The following ELAPOR2 variants were observed in gnomAD, a reference collection of about 807,000 sequenced individuals.
ELAPOR2 encodes endosome/lysosome-associated apoptosis and autophagy regulator family member 2.
Under a neutral mutation model 120.7 loss-of-function variants are expected in ELAPOR2, and 89 were observed. The ratio of observed to expected loss-of-function variants is 0.74; its 90% confidence interval spans 0.62 to 0.88. The LOEUF (loss-of-function observed/expected upper bound fraction) is 0.88. Ranked by LOEUF, ELAPOR2 falls within the 40% of genes least tolerant of loss-of-function variation. The pLI is 0.00. For synonymous variants in ELAPOR2, 444 were observed against 444.9 expected, an observed-to-expected ratio of 1.00 and a Z score of 0.03; for missense variants, 1,134 against 1,251.6, an observed-to-expected ratio of 0.91 and a Z score of 1.42.
intron 1 of ELAPOR2, among the ~76,000 whole-genome samples, chr7:87,024,658 C>T (rs1013738093): frequency 1.3e-5 from 2 of 152,052 alleles, no homozygotes; most frequent in Non-Finnish European, 2.9e-5. Context: ...CCTCCTTGTA[C>T]CTCTGGTAGA....
At chr7:86,955,249 A>G (rs976577980) in intron 2 of ELAPOR2, among the ~76,000 whole-genome samples, 2 of 152,170 alleles carry the variant, frequency 1.3e-5, no homozygotes, top group African/African-American at 4.8e-5. Flanking sequence ...TATAATTCTC[A>G]TTTTATGAAA....
intron 1 of ELAPOR2, among the ~76,000 whole-genome samples, chr7:87,025,120 T>C (rs1330668371): frequency 6.6e-6 from 1 of 152,060 alleles, no homozygotes; most frequent in East Asian, 1.9e-4. Flanking sequence ...AAACCTTGTC[T>C]TGAGGAATAC....
chr7:87,026,209 T>A (rs1000315503), intron 1 of ELAPOR2, among the ~76,000 whole-genome samples: 2 of 152,058 alleles, frequency 1.3e-5, no homozygotes, highest in African/African-American at 2.4e-5. Flanking sequence ...TAGGTTTCAT[T>A]GAGCCGTGGT....
intron 18 of ELAPOR2, among the ~76,000 whole-genome samples, chr7:86,898,339 G>A (rs1485014112): frequency 6.6e-6 from 1 of 152,080 alleles, no homozygotes; most frequent in Non-Finnish European, 1.5e-5. Context: ...CTCAGGGCTG[G>A]GAAGTGGACT....
At chr7:87,032,290 A>T (rs1794445739) in intron 1 of ELAPOR2, among the ~76,000 whole-genome samples, 1 of 152,196 alleles carries the variant, frequency 6.6e-6, no homozygotes, top group East Asian at 1.9e-4. Context: ...ATGAATGATG[A>T]ATGAACTAAT....
chr7:86,922,485 T>C lies in ELAPOR2; in HGVS notation c.1399+3043A>G, dbSNP rs10240777. ...TTCATTACCTAGAAAAAAAACACCA[T>C]TAACATGCTGTGATGTTTCTTTTCA... On this transcript the variant is annotated intron_variant, in intron 10 of 21. Transcript: ENST00000450689. Among the ~76,000 whole-genome samples the C allele has an allele frequency of 3.9e-3, 595 of 152,036 alleles. 3 individuals are homozygous for C. Among genetic ancestry groups the C allele is most frequent in the African/African-American group, 0.014 (568 of 41,542 alleles).
chr7:87,014,887 T>C (rs1324858221), intron 1 of ELAPOR2, among the ~76,000 whole-genome samples: 1 of 152,166 alleles, frequency 6.6e-6, no homozygotes, highest in Admixed American at 6.5e-5. Flanking sequence ...ATGATTGTTA[T>C]GATGGTTTCA....
intron 1 of ELAPOR2, among the ~76,000 whole-genome samples, chr7:87,005,217 A>G (rs1793434213): frequency 1.3e-5 from 2 of 152,196 alleles, no homozygotes; most frequent in South Asian, 4.1e-4. Flanking sequence ...AACAAAAGGA[A>G]AAAAAGAAAG....
intron 18 of ELAPOR2, among the ~76,000 whole-genome samples, chr7:86,905,057 AAGAC>A (rs1437894552): frequency 2.1e-5 from 3 of 141,302 alleles, no homozygotes; most frequent in Non-Finnish European, 4.6e-5. Flanking sequence ...ATGAATGAGA[AAGAC>A]AGAGAGAGAG....
chr7:86,915,106 T>C (rs1270654168), intron 12 of ELAPOR2, among the ~76,000 whole-genome samples: 1 of 152,156 alleles, frequency 6.6e-6, no homozygotes, highest in Non-Finnish European at 1.5e-5. Context: ...CAAATCATAA[T>C]ATGTTTAAGG....
intron 21 of ELAPOR2, among the ~76,000 whole-genome samples, chr7:86,888,163 G>A (rs548455708): frequency 2.0e-5 from 3 of 152,130 alleles, no homozygotes; most frequent in South Asian, 4.1e-4. Flanking sequence ...TGCCCCCCAA[G>A]TCCCCCTATC....
At chr7:86,984,732 A>T (rs1792648389) in intron 1 of ELAPOR2, among the ~76,000 whole-genome samples, 2 of 152,250 alleles carry the variant, frequency 1.3e-5, no homozygotes, top group Non-Finnish European at 2.9e-5. Flanking sequence ...AAGAGAAAGC[A>T]TGAAAGACCT....
At chr7:87,027,271 ACAT>A (rs1431764334) in intron 1 of ELAPOR2, among the ~76,000 whole-genome samples, 1 of 152,152 alleles carries the variant, frequency 6.6e-6, no homozygotes, top group Non-Finnish European at 1.5e-5. Flanking sequence ...GAAAAGTCTG[ACAT>A]CATATTCATT....
At chr7:87,022,980 T>C (rs1320424125) in intron 1 of ELAPOR2, among the ~76,000 whole-genome samples, 1 of 152,254 alleles carries the variant, frequency 6.6e-6, no homozygotes, top group Non-Finnish European at 1.5e-5. Flanking sequence ...TATTAACCCT[T>C]TGTCAGATGA....
rs1789671090 is a variant in ELAPOR2, at chr7:86,918,469, T to C, written c.1566A>G (p.Ser522=). 1.2e-6 allele frequency: 2 copies of C among 1,612,922 alleles called. No individual in the cohort carries two copies. Among genetic ancestry groups the C allele is most frequent in the Non-Finnish European group, 1.7e-6 (2 of 1,179,280 alleles). ...RITFVFETLC[S]ADCVLYFMVD... ...CCATGAAGTACAAAACACAGTCAGCTGAACAGAGGGTCTCAAAGACAAATG... is the reference window on the plus strand; with the variant it reads ...CCATGAAGTACAAAACACAGTCAGCCGAACAGAGGGTCTCAAAGACAAATG... Residue 522 remains serine, a synonymous_variant, in exon 12 of 22, where the codon TCA becomes TCG. Coordinates refer to ENST00000450689, the MANE Select transcript of ELAPOR2 (RefSeq NM_001142749.3).
chr7:86,909,914 C>A lies in ELAPOR2; in HGVS notation c.2257G>T (p.Val753Leu), dbSNP rs780292886. The change falls in exon 16 of 22, where the codon GTA becomes TTA. Residue 753 changes from valine to leucine, a missense_variant. Physicochemically the swap from Val to Leu is conservative, Grantham distance 32. Around this residue, in one of 3 missense-constraint regions of ELAPOR2, gnomAD observed 831 missense variants for 867.6 expected, o/e 0.96. Transcript: ENST00000450689. ...GTTGACTGGCATACAAATGCCCCTA[C>A]CAAATTTGTGTAATCATCTGACCCT... ...VAGSDDYTNL[V>L]GAFVCQSTII... 1.2e-6 allele frequency: 2 copies of A among 1,613,162 alleles called. No homozygotes were observed. The highest frequency in any genetic ancestry group is 1.7e-6 in the Non-Finnish European group (2 of 1,179,346).
chr7:86,895,516 G>A (rs1476578610), intron 19 of ELAPOR2, among the ~76,000 whole-genome samples: 1 of 152,010 alleles, frequency 6.6e-6, no homozygotes, highest in African/African-American at 2.4e-5. Context: ...ATAGGGGTAT[G>A]TTATAAATTT....
At position 87,007,434 on chromosome 7, in the gene ELAPOR2, C is replaced by T. The variant is rs190195008; in HGVS notation, c.190-42410G>A. ...TCAAGTGGAATTAATGTTACCAGCA[C>T]AAACTTGTAGTTTTTAATATGAACA... On this transcript the variant is annotated intron_variant, in intron 1 of 21. Transcript: ENST00000450689. 3.1e-3 allele frequency among the ~76,000 whole-genome samples: 469 copies of T among 152,252 alleles called. 1 individual carries two copies. The highest frequency in any genetic ancestry group is 0.011 in the African/African-American group (442 of 41,562).
At chr7:86,962,745 G>A (rs1225687356) in intron 2 of ELAPOR2, among the ~76,000 whole-genome samples, 2 of 152,186 alleles carry the variant, frequency 1.3e-5, no homozygotes, top group Admixed American at 6.5e-5. Flanking sequence ...ATGGGATAAC[G>A]ACATAAAGCT....
Sources: allele counts gnomAD v4.1 joint callset (sites outside exome capture counted in the v4.1 genomes callset), GRCh38; gene constraint gnomAD v4.1.1; regional missense constraint gnomAD v4.1.1; transcripts MANE v1.5; gene names NCBI Gene and HGNC (gene_info 2026-07-23, HGNC 2026-07-21).